Variants in RFX1 observed in about 807,000 individuals in gnomAD.
RFX1 encodes MHC class II regulatory factor RFX1.
In RFX1, 42 loss-of-function variants were observed where a neutral mutation model predicts 119.6. That is an observed-to-expected ratio of 0.35 (90% CI 0.27 to 0.45). The LOEUF is 0.45. RFX1 is among the 20% of genes least tolerant of loss of function. The pLI, the probability that RFX1 is intolerant of heterozygous loss-of-function variation, is 1.00. For synonymous variants in RFX1, 628 were observed against 618.5 expected, an observed-to-expected ratio of 1.02 and a Z score of -0.23; for missense variants, 1,118 against 1,368.1, an observed-to-expected ratio of 0.82 and a Z score of 2.88.
chr19:13,963,545 A>G lies in RFX1; in HGVS notation c.2563T>C (p.Phe855Leu). The change falls in exon 18 of 21, where the codon TTC becomes CTC. Residue 855 changes from phenylalanine (F) to leucine (L), a missense_variant. Transcript: ENST00000254325. ...ATCCCGCCGCGCGCGCACCTGTAGA[A>G]GGACCACTTGAGGAGGAAGAGCTTG... ...AAKLFLLKWS[F>L]YSSMVIRDLT... The G allele has an allele frequency of 6.2e-7, 1 of 1,603,136 alleles. No homozygotes were observed. The highest frequency in any genetic ancestry group is 8.5e-7 in the Non-Finnish European group (1 of 1,178,742).
chr19:13,987,504 C>A (rs1007931532), intron 2 of RFX1, among the ~76,000 whole-genome samples: 2 of 152,278 alleles, frequency 1.3e-5, no homozygotes, highest in South Asian at 2.1e-4. Flanking sequence ...TGGGAGAAGT[C>A]CTAGGTGCCT....
chr19:13,993,105 G>A (rs1211175000), intron 2 of RFX1, among the ~76,000 whole-genome samples: 2 of 152,116 alleles, frequency 1.3e-5, no homozygotes, highest in African/African-American at 4.8e-5. Context: ...ACCTGCCTGA[G>A]CAACATGGGA....
rs1016758506 is a variant in RFX1, at chr19:13,980,437, A to G, written c.738+136T>C. 8.3e-6 allele frequency: 5 copies of G among 600,748 alleles called. No homozygotes were observed. The African/African-American group carries it at 9.3e-5, about 11-fold the overall frequency. The allele number at this position is 600,748 out of a possible 1,614,324, so 37.2% of individuals were successfully genotyped here. A position where few individuals can be genotyped will look rare whatever the true frequency, so the allele number is the denominator to read the frequency against. Reference sequence around the variant, plus strand: ...CTGGAGACAGGCAGAGATGCTTATCAAAGGCCAGGGTGGCAGGCTGGGGCT... The same window carrying G: ...CTGGAGACAGGCAGAGATGCTTATCGAAGGCCAGGGTGGCAGGCTGGGGCT... On this transcript the variant is annotated intron_variant, in intron 6 of 20. Transcript: ENST00000254325. The surrounding 1 kb of genome is among the most constrained non-coding windows in gnomAD (Gnocchi z 5.1).
chr19:13,989,580 A>C (rs1355522611), intron 2 of RFX1, among the ~76,000 whole-genome samples: 1 of 152,044 alleles, frequency 6.6e-6, no homozygotes, highest in East Asian at 1.9e-4. Flanking sequence ...ACAGACAGAC[A>C]GAGAGAAAGA....
intron 1 of RFX1, among the ~76,000 whole-genome samples, chr19:13,999,712 G>A (rs1000977483): frequency 9.4e-5 from 14 of 149,052 alleles, no homozygotes; most frequent in Admixed American, 8.1e-4. Context: ...TTTCTCTTTC[G>A]TTGCCCAGGC....
chr19:13,971,012 T>A (rs948377606), intron 9 of RFX1, among the ~76,000 whole-genome samples: 8 of 148,822 alleles, frequency 5.4e-5, no homozygotes, highest in African/African-American at 2.0e-4. Context: ...AAAAAAAAAA[T>A]TATATGAATT....
At position 13,966,627 on chromosome 19, in the gene RFX1, C is replaced by T. The variant is rs1249887426; in HGVS notation, c.1851+6G>A. 2 of 1,582,900 alleles carry T rather than the reference C, an allele frequency of 1.3e-6. No homozygotes were observed. The highest frequency in any genetic ancestry group is 1.3e-5 in the African/African-American group (1 of 74,136). On this transcript the variant is annotated splice_donor_region_variant and intron_variant, in intron 13 of 20. Transcript: ENST00000254325. The surrounding 1 kb of genome is among the most constrained non-coding windows in gnomAD (Gnocchi z 6.3). ...GTCCACTTGCCTGCCCACCTGGCCACCCTACCTCACAGTGTTCCCGGTACA... is the reference window on the plus strand; with the variant it reads ...GTCCACTTGCCTGCCCACCTGGCCATCCTACCTCACAGTGTTCCCGGTACA...
intron 8 of RFX1, 78 bp from the exon 9 acceptor site, chr19:13,973,205 G>A: frequency 2.1e-6 from 2 of 968,468 alleles, no homozygotes; most frequent in Admixed American, 2.1e-5. Context: ...TGCAGGAAGG[G>A]GGGTCCTAGG....
Position 13,970,036 on chromosome 19 carries a change from C to T in RFX1, c.1454G>A (p.Arg485His). Reference sequence around the variant, plus strand: ...GGTTCGCAGGCCCATGAAGACGGAGCGGATGAGCTTGCCGAAGGAGGCGGC... The same window carrying T: ...GGTTCGCAGGCCCATGAAGACGGAGTGGATGAGCTTGCCGAAGGAGGCGGC... Reference protein sequence around the residue: ...VNAASFGKLIRSVFMGLRTRR... With the variant: ...VNAASFGKLIHSVFMGLRTRR... The change falls in exon 10 of 21, where the codon CGC becomes CAC. Residue 485 changes from arginine (R) to histidine (H), a missense_variant. By Grantham distance (29) the Arg-to-His change is conservative. Coordinates refer to ENST00000254325, the MANE Select transcript of RFX1 (RefSeq NM_002918.5). 1 of 1,613,868 alleles carries T rather than the reference C, an allele frequency of 6.2e-7. No homozygotes were observed. The highest frequency in any genetic ancestry group is 8.5e-7 in the Non-Finnish European group (1 of 1,179,904).
rs1028986096 is a variant in RFX1, at chr19:13,983,477, A to C, written c.429+9T>G. ...CCCTCCCCCACCCCCTGGGAGGGCCACATCCTACCTGCTGGGTGCCCTGCA... is the reference window on the plus strand; with the variant it reads ...CCCTCCCCCACCCCCTGGGAGGGCCCCATCCTACCTGCTGGGTGCCCTGCA... On this transcript the variant is annotated intron_variant, in intron 3 of 20. Coordinates refer to ENST00000254325, the MANE Select transcript of RFX1 (RefSeq NM_002918.5). 4.4e-6 allele frequency: 7 copies of C among 1,590,726 alleles called. No homozygotes were observed. In the Admixed American group the frequency reaches 1.2e-4, roughly 28 times the overall value.
intron 7 of RFX1, among the ~76,000 whole-genome samples, chr19:13,979,004 G>A (rs1002226036): frequency 2.6e-5 from 4 of 151,618 alleles, no homozygotes; most frequent in African/African-American, 9.7e-5. Flanking sequence ...GGCGGCCGGG[G>A]CGGCGGCTCC....
chr19:13,962,279 G>C lies in RFX1; in HGVS notation c.*416C>G, dbSNP rs1973708304. ...CCCACCTGCGCCGGCCCGGGGCTCA[G>C]GGCTGGGCCCAGGACAGGCTGTGCA... is the stretch of plus-strand genomic sequence containing the variant. On this transcript the variant is annotated 3_prime_UTR_variant, in exon 21 of 21. Transcript: ENST00000254325. The C allele has an allele frequency of 5.3e-6, 1 of 186,946 alleles. No homozygotes were observed. 11.6% of individuals were successfully genotyped at this position (186,946 alleles called of 1,614,324 possible).
At chr19:13,970,466 G>C (rs1376526356) in intron 9 of RFX1, among the ~76,000 whole-genome samples, 1 of 151,560 alleles carries the variant, frequency 6.6e-6, no homozygotes, top group Non-Finnish European at 1.5e-5. Flanking sequence ...CTTGAGCCCA[G>C]GCTGGGCAAC....
rs961298661 is a variant in RFX1 at position 13,962,987 on chromosome 19, C to G, written c.2770+7G>C. 5 of 1,550,504 alleles carry G rather than the reference C, an allele frequency of 3.2e-6. No homozygotes were observed. The South Asian group carries it at 5.9e-5, about 18-fold the overall frequency. On this transcript the variant is annotated splice_region_variant and intron_variant, in intron 20 of 20. Transcript: ENST00000254325. ...CCGCGCCCTGGGTGGGAACACGCCTCGCCTACCTTTGTCGGGGTCCAGGGG... is the reference window on the plus strand; with the variant it reads ...CCGCGCCCTGGGTGGGAACACGCCTGGCCTACCTTTGTCGGGGTCCAGGGG...
rs1974381104 is a variant in RFX1 at position 13,980,118 on chromosome 19, C to T, written c.738+455G>A. Among the ~76,000 whole-genome samples the T allele has an allele frequency of 6.6e-6, 1 of 152,174 alleles. No homozygotes were observed. The highest frequency in any genetic ancestry group is 2.4e-5 in the African/African-American group (1 of 41,424). On this transcript the variant is annotated intron_variant, in intron 6 of 20. Coordinates refer to ENST00000254325, the MANE Select transcript of RFX1 (RefSeq NM_002918.5). The surrounding 1 kb of genome is among the most constrained non-coding windows in gnomAD (Gnocchi z 5.1). Reference sequence around the variant, plus strand: ...AAGGGGCTTGGAACCCCCTCAACTTCAGTGGTAACAACCAGATGGTGCGCA... The same window carrying T: ...AAGGGGCTTGGAACCCCCTCAACTTTAGTGGTAACAACCAGATGGTGCGCA...
intron 7 of RFX1, among the ~76,000 whole-genome samples, chr19:13,978,633 C>A (rs1418802212): frequency 3.9e-5 from 6 of 152,116 alleles, no homozygotes; most frequent in Admixed American, 3.3e-4. Context: ...GGTCCCTAGA[C>A]CGACCCGTCG....
In RFX1 at chr19:13,986,768, C is replaced by T. The variant is rs1974611197; in HGVS notation, c.320-3173G>A. On this transcript the variant is annotated intron_variant, in intron 2 of 20. Transcript: ENST00000254325. The surrounding 1 kb of genome is among the most constrained non-coding windows in gnomAD (Gnocchi z 4.2). ...GTGGGCACCCATCCTCCCCGGGCCC[C>T]GCACTTCCCCATCTAGACCTACTCA... Among the ~76,000 whole-genome samples the T allele has an allele frequency of 6.6e-6, 1 of 152,122 alleles. No homozygotes were observed. Among genetic ancestry groups the T allele is most frequent in the African/African-American group, 2.4e-5 (1 of 41,422 alleles).
chr19:13,979,409 G>A, intron 7 of RFX1, 38 bp downstream of exon 7: 9 of 1,436,812 alleles, frequency 6.3e-6, no homozygotes, highest in South Asian at 1.3e-5. Context: ...CCCGGGACCA[G>A]CCCCTTTGCC....
chr19:13,992,952 C>T (rs961263529), intron 2 of RFX1, among the ~76,000 whole-genome samples: 2 of 151,910 alleles, frequency 1.3e-5, no homozygotes, highest in Non-Finnish European at 2.9e-5. Context: ...GGCAATATGG[C>T]GAGACCTCAT....
Sources: gnomAD v4.1 joint callset for allele counts (sites outside exome capture counted in the v4.1 genomes callset) on GRCh38, gnomAD v4.1.1 for gene constraint, Gnocchi (gnomAD v3.1) non-coding constraint, MANE v1.5 for transcripts, NCBI Gene and HGNC (gene_info 2026-07-23, HGNC 2026-07-21) for gene names.